Variants in INTS8 observed in about 807,000 individuals in gnomAD.
The protein encoded by INTS8 is protein kaonashi-1.
In INTS8, 47 loss-of-function variants were observed where a neutral mutation model predicts 138.9. The observed-to-expected ratio is 0.34, with a 90% confidence interval of 0.27 to 0.43. INTS8 has a LOEUF of 0.43. Ranked by LOEUF, INTS8 falls within the 20% of genes least tolerant of loss-of-function variation. The pLI is 1.00. For synonymous variants in INTS8, 392 were observed against 400.9 expected, an observed-to-expected ratio of 0.98 and a Z score of 0.27; for missense variants, 996 against 1,173.0, an observed-to-expected ratio of 0.85 and a Z score of 2.20.
intron 5 of INTS8, 21 bp from the exon 6 acceptor site, chr8:94,831,971 T>G: frequency 6.4e-7 from 1 of 1,556,898 alleles, no homozygotes; most frequent in Non-Finnish European, 8.7e-7. Context: ...TGTATTTTTA[T>G]TTGTTTATTG....
At chr8:94,872,090 C>A in intron 21 of INTS8, 88 bp downstream of exon 21, 1 of 648,344 alleles carries the variant, frequency 1.5e-6, no homozygotes, top group Non-Finnish European at 2.7e-6. Flanking sequence ...TATTTCAATA[C>A]TTAAGTTTTG....
chr8:94,828,209 T>A (rs1041328651), intron 4 of INTS8, among the ~76,000 whole-genome samples: 2 of 152,006 alleles, frequency 1.3e-5, no homozygotes, highest in African/African-American at 4.8e-5. Context: ...CTGGCTAATT[T>A]TTGCATTTTT....
chr8:94,865,198 T>C (rs755450226), intron 16 of INTS8, among the ~76,000 whole-genome samples: 2 of 152,108 alleles, frequency 1.3e-5, no homozygotes, highest in Non-Finnish European at 2.9e-5. Context: ...ATTTAGCAAC[T>C]CGTTTTTTTT....
At chr8:94,872,233 A>T (rs1172658763) in intron 21 of INTS8, among the ~76,000 whole-genome samples, 1 of 151,350 alleles carries the variant, frequency 6.6e-6, no homozygotes, top group Non-Finnish European at 1.5e-5. Flanking sequence ...AAAAACAGTG[A>T]ATTTTTTTTT....
intron 21 of INTS8, 58 bp downstream of exon 21, chr8:94,872,060 A>G (rs1816416825): frequency 1.3e-6 from 1 of 790,846 alleles, no homozygotes; most frequent in Non-Finnish European, 2.2e-6. Context: ...TTGAAGTGAA[A>G]GTAAATATAT....
At chr8:94,846,484 G>A (rs1211965537) in intron 10 of INTS8, among the ~76,000 whole-genome samples, 2 of 152,108 alleles carry the variant, frequency 1.3e-5, no homozygotes, top group Admixed American at 6.6e-5. Flanking sequence ...ATGTTGGTCA[G>A]GCAGGTCTCG....
rs1272997602 is a variant in INTS8 at position 94,874,613 on chromosome 8, AAT to A, written c.2688+14_2688+15del. On this transcript the variant is annotated intron_variant, in intron 23 of 26. Coordinates refer to ENST00000523731, the MANE Select transcript of INTS8 (RefSeq NM_017864.4). ...AATTGCCACACACAGGTTAGTTTATAATATTATGAAGTTGTTTTATTTTTACA... is the reference window on the plus strand; with the variant it reads ...AATTGCCACACACAGGTTAGTTTATAATTATGAAGTTGTTTTATTTTTACA... The A allele has an allele frequency of 4.7e-6, 7 of 1,496,932 alleles. No individual in the cohort carries two copies. In the African/African-American group the frequency reaches 9.7e-5, roughly 21 times the overall value. The allele number at this position is 1,496,932 out of a possible 1,614,324, so 92.7% of individuals were successfully genotyped here.
At chr8:94,857,052 A>G (rs1815775045) in intron 15 of INTS8, 74 bp downstream of exon 15, 4 of 857,336 alleles carry the variant, frequency 4.7e-6, no homozygotes, top group Admixed American at 2.7e-5. Flanking sequence ...TTAAAAGCAG[A>G]TTTATTTGAG....
At chr8:94,837,929 C>T (rs1220532303) in intron 7 of INTS8, among the ~76,000 whole-genome samples, 1 of 151,900 alleles carries the variant, frequency 6.6e-6, no homozygotes, top group Non-Finnish European at 1.5e-5. Context: ...GCTCAAGGGA[C>T]GAACAAAAAC....
chr8:94,874,880 A>G (rs1418691334), intron 23 of INTS8, among the ~76,000 whole-genome samples: 1 of 152,204 alleles, frequency 6.6e-6, no homozygotes, highest in Non-Finnish European at 1.5e-5. Flanking sequence ...ATTAGTCATT[A>G]GGGAAATGCA....
rs1343454062 is a variant in INTS8, at chr8:94,880,254, T to TTTTA, written c.*24_*27dup. The TTTTA allele has an allele frequency of 7.5e-7, 1 of 1,340,512 alleles. No individual in the cohort carries two copies. Among genetic ancestry groups the TTTTA allele is most frequent in the African/African-American group, 1.5e-5 (1 of 67,438 alleles). 83.0% of individuals were successfully genotyped at this position (1,340,512 alleles called of 1,614,324 possible). A position where few individuals can be genotyped will look rare whatever the true frequency, so the allele number is the denominator to read the frequency against. On this transcript the variant is annotated 3_prime_UTR_variant, in exon 27 of 27. Transcript: ENST00000523731. ...TTTTAAGCAGTTAAATTTTTTTAACTTTTATTTTTTAAACAATGGGCTAAA... is the reference window on the plus strand; with the variant it reads ...TTTTAAGCAGTTAAATTTTTTTAACTTTTATTTATTTTTTAAACAATGGGCTAAA...
At chr8:94,875,917 C>A (rs760122679) in intron 23 of INTS8, 157 bp from the exon 24 acceptor site, 4 of 598,358 alleles carry the variant, frequency 6.7e-6, no homozygotes, top group Admixed American at 3.1e-5. Flanking sequence ...CAGACAGACA[C>A]GTGTATAAAG....
chr8:94,859,718 A>G (rs1815882930), intron 16 of INTS8, 86 bp downstream of exon 16: 1 of 1,054,264 alleles, frequency 9.5e-7, no homozygotes, highest in Non-Finnish European at 1.4e-6. Context: ...GAACTTGTCT[A>G]ATTTCTGTGA....
intron 3 of INTS8, 53 bp downstream of exon 3, chr8:94,827,456 C>T (rs1814552037): frequency 1.3e-6 from 2 of 1,575,078 alleles, no homozygotes; most frequent in Non-Finnish European, 1.7e-6. Flanking sequence ...TTTTATTGCA[C>T]TGTGGCTTTC....
intron 16 of INTS8, among the ~76,000 whole-genome samples, chr8:94,861,056 CAAA>C (rs1195647511): frequency 2.0e-5 from 2 of 99,736 alleles, no homozygotes; most frequent in Non-Finnish European, 4.1e-5. Context: ...GACTCTGTCT[CAAA>C]AAAAAAAAAA....
chr8:94,857,757 T>G (rs758804431), intron 15 of INTS8, among the ~76,000 whole-genome samples: 2 of 152,246 alleles, frequency 1.3e-5, no homozygotes, highest in Non-Finnish European at 2.9e-5. Context: ...AGTCATTGGA[T>G]CTAAGTTCTG....
intron 8 of INTS8, 94 bp downstream of exon 8, chr8:94,838,712 G>A: frequency 2.1e-6 from 2 of 964,372 alleles, no homozygotes; most frequent in South Asian, 1.6e-5. Context: ...TACGCGTTTT[G>A]GGGCAAGTCA....
chr8:94,866,973 C>T (rs112101177), intron 18 of INTS8, 167 bp from the exon 19 acceptor site: 12 of 563,838 alleles, frequency 2.1e-5, no homozygotes, highest in East Asian at 1.2e-4. Flanking sequence ...CCCCCACATG[C>T]GATTAAAAAG....
intron 14 of INTS8, among the ~76,000 whole-genome samples, chr8:94,854,498 T>C (rs1586502164): frequency 6.6e-6 from 1 of 152,188 alleles, no homozygotes; most frequent in East Asian, 1.9e-4. Context: ...TGTACCAAGA[T>C]TAAAAAACAA....
Sources: allele counts gnomAD v4.1 joint callset (sites outside exome capture counted in the v4.1 genomes callset), GRCh38; gene constraint gnomAD v4.1.1; transcripts MANE v1.5; gene names NCBI Gene and HGNC (gene_info 2026-07-23, HGNC 2026-07-21).